TEC: variants seen among roughly 807,000 people sequenced by gnomAD.
TEC encodes the protein tyrosine-protein kinase Tec.
A neutral mutation model predicts 93.0 loss-of-function variants in TEC; 72 were observed. The observed-to-expected ratio is 0.77, with a 90% CI of 0.64 to 0.94. The LOEUF (loss-of-function observed/expected upper bound fraction) is 0.94. Among genes scored for constraint, TEC ranks in the 40% least tolerant of loss-of-function variants. The pLI, the probability that TEC is intolerant of heterozygous loss-of-function variation, is 0.00. For synonymous variants in TEC, 249 were observed against 247.7 expected (o/e 1.01, Z -0.05); for missense variants, 630 against 757.9 (o/e 0.83, Z 1.98).
At chr4:48,176,680 C>T (rs1721344183) in intron 2 of TEC, among the ~76,000 whole-genome samples, 1 of 152,202 alleles carries the variant, frequency 6.6e-6, no homozygotes, top group Non-Finnish European at 1.5e-5. Flanking sequence ...TGAGACTGGG[C>T]CACTGTACCT....
chr4:48,189,267 T>C (rs1722007177), intron 2 of TEC, among the ~76,000 whole-genome samples: 2 of 152,198 alleles, frequency 1.3e-5, no homozygotes, highest in South Asian at 4.1e-4. Context: ...TGTACCTGTA[T>C]TCCTTGACCA....
At chr4:48,163,934 A>C (rs1445009570) in intron 7 of TEC, among the ~76,000 whole-genome samples, 167 bp from the exon 8 acceptor site, 1 of 152,236 alleles carries the variant, frequency 6.6e-6, no homozygotes, top group African/African-American at 2.4e-5. Flanking sequence ...TTGACATTTT[A>C]CAAAGTACTT....
chr4:48,236,529 G>A (rs62309358), intron 1 of TEC, among the ~76,000 whole-genome samples: 14,614 of 152,142 alleles, frequency 0.096, 959 homozygotes, highest in East Asian at 0.24. Context: ...TGATCCACCC[G>A]TCGCGGCCTC....
intron 2 of TEC, among the ~76,000 whole-genome samples, chr4:48,184,602 C>G (rs1233546100): frequency 6.6e-6 from 1 of 152,166 alleles, no homozygotes; most frequent in Non-Finnish European, 1.5e-5. Context: ...ACATATATTG[C>G]TATCCTATCA....
intron 8 of TEC, among the ~76,000 whole-genome samples, chr4:48,161,598 C>CTTTTTTTT (rs34780131): frequency 7.7e-6 from 1 of 130,124 alleles, no homozygotes; most frequent in Non-Finnish European, 1.6e-5. Flanking sequence ...CTGCCAGAGG[C>CTTTTTTTT]TTTTTTTTTT....
chr4:48,263,582 C>T (rs1248778628), intron 1 of TEC, among the ~76,000 whole-genome samples: 3 of 152,042 alleles, frequency 2.0e-5, no homozygotes, highest in Non-Finnish European at 4.4e-5. Context: ...GGTGTGGTGG[C>T]GTGCACCTGT....
chr4:48,142,524 G>C (rs1719721890), intron 14 of TEC, among the ~76,000 whole-genome samples: 1 of 152,166 alleles, frequency 6.6e-6, no homozygotes, highest in Non-Finnish European at 1.5e-5. Context: ...TATGTTCCCA[G>C]TATATTATAA....
At chr4:48,184,478 T>A (rs201318396) in intron 2 of TEC, among the ~76,000 whole-genome samples, 1 of 152,216 alleles carries the variant, frequency 6.6e-6, no homozygotes, top group African/African-American at 2.4e-5. Context: ...TTGGCTGGAA[T>A]TGAATCTCTC....
intron 2 of TEC, among the ~76,000 whole-genome samples, chr4:48,201,660 A>G (rs1248200494): frequency 1.3e-5 from 2 of 152,198 alleles, no homozygotes; most frequent in East Asian, 3.8e-4. Context: ...TTCTAAGAGC[A>G]AGGACACGGG....
At chr4:48,170,497 T>G in intron 4 of TEC, 121 bp from the exon 5 acceptor site, 1 of 659,526 alleles carries the variant, frequency 1.5e-6, no homozygotes, top group East Asian at 2.9e-5. Flanking sequence ...AAGAACGCCC[T>G]TAGATCACAG....
At chr4:48,262,636 C>A (rs1407305535) in intron 1 of TEC, among the ~76,000 whole-genome samples, 1 of 152,184 alleles carries the variant, frequency 6.6e-6, no homozygotes, top group African/African-American at 2.4e-5. Flanking sequence ...AAAAACTATA[C>A]TGCCTGGAAA....
At chr4:48,226,366 C>T (rs1163773214) in intron 2 of TEC, among the ~76,000 whole-genome samples, 1 of 143,204 alleles carries the variant, frequency 7.0e-6, no homozygotes, top group Non-Finnish European at 1.5e-5. Context: ...AAAAGTTACA[C>T]TGAGTGTGCC....
At chr4:48,179,881 T>C (rs1471204527) in intron 2 of TEC, among the ~76,000 whole-genome samples, 1 of 152,182 alleles carries the variant, frequency 6.6e-6, no homozygotes, top group Non-Finnish European at 1.5e-5. Context: ...AATGAGTTAA[T>C]ATTTGCAAAG....
intron 1 of TEC, among the ~76,000 whole-genome samples, chr4:48,264,859 G>A (rs1349441704): frequency 6.6e-6 from 1 of 151,970 alleles, no homozygotes; most frequent in Non-Finnish European, 1.5e-5. Context: ...GGCTGGTCTT[G>A]AACTCCTGAC....
At chr4:48,227,911 C>T (rs35920857) in intron 2 of TEC, among the ~76,000 whole-genome samples, 24,275 of 152,142 alleles carry the variant, frequency 0.16, 2,152 homozygotes, top group Non-Finnish European at 0.2. Flanking sequence ...CAGGAGTGTG[C>T]TAACCACACA....
chr4:48,149,803 C>T, intron 10 of TEC, 113 bp from the exon 11 acceptor site: 7 of 1,053,734 alleles, frequency 6.6e-6, no homozygotes, highest in Non-Finnish European at 9.0e-6. Context: ...CCATCTATTC[C>T]TGGCACAAAT....
intron 2 of TEC, among the ~76,000 whole-genome samples, chr4:48,209,072 C>T (rs1722807984): frequency 6.6e-6 from 1 of 152,146 alleles, no homozygotes; most frequent in South Asian, 2.1e-4. Flanking sequence ...TAGATATATT[C>T]CTCCACCACT....
intron 1 of TEC, among the ~76,000 whole-genome samples, chr4:48,237,319 CA>C (rs34570564): frequency 1.3e-3 from 150 of 119,122 alleles, no homozygotes; most frequent in Non-Finnish European, 1.4e-3. Context: ...GACTCTGTCT[CA>C]AAAAAAAAAA....
intron 1 of TEC, among the ~76,000 whole-genome samples, chr4:48,251,979 T>C (rs1339220059): frequency 6.6e-6 from 1 of 152,026 alleles, no homozygotes; most frequent in Admixed American, 6.6e-5. Flanking sequence ...CAAGCTAAAA[T>C]GGAAGAGAGA....
Sources: allele counts gnomAD v4.1 joint callset (sites outside exome capture counted in the v4.1 genomes callset), GRCh38; gene constraint gnomAD v4.1.1; transcripts MANE v1.5; gene names NCBI Gene and HGNC (gene_info 2026-07-23, HGNC 2026-07-21).